GRM4: variants seen among roughly 807,000 people sequenced by gnomAD.
GRM4 encodes metabotropic glutamate receptor 4.
A neutral mutation model predicts 81.7 loss-of-function variants in GRM4; 28 were observed. That is an observed-to-expected ratio of 0.34 (90% CI 0.25 to 0.47). GRM4 has a LOEUF of 0.47. Among genes scored for constraint, GRM4 ranks in the 20% least tolerant of loss-of-function variants. The pLI is 1.00. For synonymous variants in GRM4, 488 were observed against 528.8 expected (o/e 0.92, Z 1.06); for missense variants, 948 against 1,290.0 (o/e 0.73, Z 4.06).
Position 34,064,761 on chromosome 6 carries a change from A to C in GRM4, c.737-2733T>G, listed in dbSNP as rs955915518. On this transcript the variant is annotated intron_variant, in intron 3 of 10. Transcript: ENST00000538487. The surrounding 1 kb of genome is among the most constrained non-coding windows in gnomAD (Gnocchi z 4.4). ...GTGCCTGCTGCAGCCAGAGAAGACC[A>C]GAGCGGCCCGAGAGGCCACTGAGCA... 1.1e-4 allele frequency among the ~76,000 whole-genome samples: 17 copies of C among 152,200 alleles called. No individual in the cohort carries two copies. The highest frequency in any genetic ancestry group is 2.2e-4 in the Non-Finnish European group (15 of 68,022).
At chr6:34,031,008 G>A (rs776309673) in intron 9 of GRM4, among the ~76,000 whole-genome samples, 2 of 152,216 alleles carry the variant, frequency 1.3e-5, no homozygotes, top group East Asian at 1.9e-4. Flanking sequence ...ATGGGAGCCT[G>A]CCTCTGGGTC....
intron 2 of GRM4, among the ~76,000 whole-genome samples, chr6:34,132,755 T>C (rs1047377058): frequency 2.6e-5 from 4 of 152,210 alleles, no homozygotes; most frequent in African/African-American, 4.8e-5. Context: ...TGGGTCCCGA[T>C]GCCTTTCATC....
chr6:34,056,647 G>A lies in GRM4; in HGVS notation c.1065C>T (p.Asn355=). The A allele has an allele frequency of 6.2e-7, 1 of 1,613,876 alleles. No individual in the cohort carries two copies. Among genetic ancestry groups the A allele is most frequent in the Non-Finnish European group, 8.5e-7 (1 of 1,179,950 alleles). The change falls in exon 6 of 11, where the codon AAC becomes AAT. Residue 355 remains asparagine (N), a synonymous_variant. Coordinates refer to ENST00000538487, the MANE Select transcript of GRM4 (RefSeq NM_000841.4). ...DRYFSSRTLD[N]NRRNIWFAEF... ...CGGCAAACCAGATGTTGCGCCGGTT[G>A]TTGTCCAGCGTGCGGCTGGAGAAGT... is the stretch of plus-strand genomic sequence containing the variant.
At position 34,069,844 on chromosome 6, in the gene GRM4, T is replaced by A. The variant is rs1766711334; in HGVS notation, c.737-7816A>T. 6.6e-6 allele frequency among the ~76,000 whole-genome samples: 1 copy of A among 152,130 alleles called. No individual in the cohort carries two copies. On this transcript the variant is annotated intron_variant, in intron 3 of 10. Transcript: ENST00000538487. The surrounding 1 kb of genome is among the most constrained non-coding windows in gnomAD (Gnocchi z 6.4). ...ACAGGCCTCTGCACATGCTGCTCCCTCTGCCAGGAGCACCCCCACCTCAGC... is the reference window on the plus strand; with the variant it reads ...ACAGGCCTCTGCACATGCTGCTCCCACTGCCAGGAGCACCCCCACCTCAGC...
rs1430576345 is a variant in GRM4, at chr6:34,114,569, C to G, written c.519+18409G>C. On this transcript the variant is annotated intron_variant, in intron 2 of 10. Transcript: ENST00000538487. The surrounding 1 kb of genome is among the most constrained non-coding windows in gnomAD (Gnocchi z 4.3). ...ACCTAAGCCCCCCAATTTCCTCCAG[C>G]CCCTCTCCACTCACCCTCTGCCCAA... 1.3e-5 allele frequency among the ~76,000 whole-genome samples: 2 copies of G among 152,034 alleles called. No individual in the cohort carries two copies. The highest frequency in any genetic ancestry group is 3.9e-4 in the East Asian group (2 of 5,188).
chr6:34,155,502 C>A, exon 1 of GRM4: 1 of 642,824 alleles, frequency 1.6e-6, no homozygotes, highest in Non-Finnish European at 2.5e-6. Flanking sequence ...TGTGTCCAGG[C>A]CGCATCCCAA....
In GRM4 at chr6:34,070,942, G is replaced by C. The variant is rs901348928; in HGVS notation, c.737-8914C>G. Among the ~76,000 whole-genome samples, 5 of 151,574 alleles carry C rather than the reference G, an allele frequency of 3.3e-5. No individual in the cohort carries two copies. Among genetic ancestry groups the C allele is most frequent in the Non-Finnish European group, 7.4e-5 (5 of 67,896 alleles). On this transcript the variant is annotated intron_variant, in intron 3 of 10. Transcript: ENST00000538487. This position sits in a 1 kb window ranked among gnomAD's most constrained non-coding sequence, Gnocchi z 4.6. ...CACTTATGGACCCACTAAGAACCTCGTACAGCCTCATAGCCACAAAGATGG... is the reference window on the plus strand; with the variant it reads ...CACTTATGGACCCACTAAGAACCTCCTACAGCCTCATAGCCACAAAGATGG...
intron 3 of GRM4, among the ~76,000 whole-genome samples, chr6:34,081,828 A>G (rs1767613577): frequency 6.6e-6 from 1 of 152,222 alleles, no homozygotes; most frequent in Admixed American, 6.5e-5. Context: ...CACATCCCCA[A>G]GGAGCTCAGA....
chr6:34,145,051 G>C (rs1197517285), intron 1 of GRM4, among the ~76,000 whole-genome samples: 2 of 152,090 alleles, frequency 1.3e-5, no homozygotes, highest in Non-Finnish European at 2.9e-5. Context: ...CGGAGGGCAC[G>C]GTCCCCTCTG....
chr6:34,081,019 G>C (rs1028708406), intron 3 of GRM4, among the ~76,000 whole-genome samples: 4 of 152,174 alleles, frequency 2.6e-5, no homozygotes, highest in Non-Finnish European at 4.4e-5. Flanking sequence ...CTGTGGGGCA[G>C]GGCCTTCTGA....
chr6:34,091,397 C>G (rs1184891351), intron 3 of GRM4, among the ~76,000 whole-genome samples: 1 of 152,144 alleles, frequency 6.6e-6, no homozygotes, highest in Non-Finnish European at 1.5e-5. Flanking sequence ...CACAGGGACA[C>G]CTTCTTTACT....
At chr6:34,122,560 C>G (rs933489144) in intron 2 of GRM4, among the ~76,000 whole-genome samples, 1 of 150,232 alleles carries the variant, frequency 6.7e-6, no homozygotes, top group Non-Finnish European at 1.5e-5. Context: ...CATAAAAATG[C>G]TAGTTTAGAA....
chr6:34,131,454 C>T (rs1025935124), intron 2 of GRM4, among the ~76,000 whole-genome samples: 1 of 152,200 alleles, frequency 6.6e-6, no homozygotes, highest in African/African-American at 2.4e-5. Flanking sequence ...GCCCTATATT[C>T]GAGGCCCACA....
chr6:34,151,476 G>A (rs1327870108), intron 1 of GRM4, among the ~76,000 whole-genome samples: 5 of 152,180 alleles, frequency 3.3e-5, no homozygotes, highest in Admixed American at 1.3e-4. Context: ...GTCACAAGCC[G>A]GGATGTCAAA....
At chr6:34,120,645 C>T (rs1393141023) in intron 2 of GRM4, among the ~76,000 whole-genome samples, 1 of 152,192 alleles carries the variant, frequency 6.6e-6, no homozygotes, top group East Asian at 1.9e-4. Flanking sequence ...GTCAGGTCCC[C>T]AGCTCCTGCC....
At chr6:34,150,883 C>T (rs576467393), upstream of GRM4, among the ~76,000 whole-genome samples, 1 of 152,296 alleles carries the variant, frequency 6.6e-6, no homozygotes, top group Non-Finnish European at 1.5e-5. Context: ...TGGTGGGATT[C>T]GGGACTGCGC....
intron 2 of GRM4, among the ~76,000 whole-genome samples, chr6:34,125,366 C>T (rs576067421): frequency 6.6e-6 from 1 of 152,170 alleles, no homozygotes; most frequent in East Asian, 1.9e-4. Flanking sequence ...AGGAAGCAGG[C>T]TTGAGAGGAC....
At chr6:34,155,566 C>T (rs966762548) in exon 1 of GRM4, 25 of 489,908 alleles carry the variant, frequency 5.1e-5, no homozygotes, top group Non-Finnish European at 8.5e-5. Flanking sequence ...CGCCATGTTG[C>T]CCAGGCTGGT....
rs1281368494 is a variant in GRM4 at position 34,019,245 on chromosome 6, T to A, written c.*3576A>T. 3.9e-5 allele frequency: 6 copies of A among 152,226 alleles called. No homozygotes were observed. The highest frequency in any genetic ancestry group is 7.3e-5 in the Non-Finnish European group (5 of 68,066). 9.4% of individuals were successfully genotyped at this position (152,226 alleles called of 1,614,324 possible). On this transcript the variant is annotated 3_prime_UTR_variant, in exon 11 of 11. Coordinates refer to ENST00000538487, the MANE Select transcript of GRM4 (RefSeq NM_000841.4). ...CTCAGAGCCGGAAGGGACCTGAGAC[T>A]CTGCTCCTGAGGTGGGTCTCCCCAG...
Sources: allele counts gnomAD v4.1 joint callset (sites outside exome capture counted in the v4.1 genomes callset), GRCh38; gene constraint gnomAD v4.1.1; non-coding constraint Gnocchi (gnomAD v3.1); transcripts MANE v1.5; gene names NCBI Gene and HGNC (gene_info 2026-07-23, HGNC 2026-07-21).